Variants in ZDHHC21 observed in about 807,000 individuals in gnomAD.
ZDHHC21 encodes the protein palmitoyltransferase ZDHHC21.
A neutral mutation model predicts 34.6 loss-of-function variants in ZDHHC21; 15 were observed. That is an observed-to-expected ratio of 0.43 (90% CI 0.29 to 0.67). The LOEUF (loss-of-function observed/expected upper bound fraction) is 0.67. ZDHHC21 is among the 30% of genes least tolerant of loss of function. ZDHHC21 has a pLI of 0.14. For synonymous variants in ZDHHC21, 142 were observed against 101.8 expected, an observed-to-expected ratio of 1.40 and a Z score of -2.38; for missense variants, 344 against 327.7, an observed-to-expected ratio of 1.05 and a Z score of -0.38.
Position 14,658,782 on chromosome 9 carries a change from A to G in ZDHHC21, c.471T>C (p.Tyr157=), listed in dbSNP as rs1212998137. The stretch of plus-strand genomic sequence containing the variant: ...GCTTTTTTAGTGGAAGAAAATAGTA[A>G]TAGTGGCAGAAAGAAAACATCAGTG... The part of the protein sequence containing the change: ...CYALMFSFCH[Y]YYFLPLKKRN... Residue 157 remains tyrosine, a synonymous_variant, in exon 7 of 10, where the codon TAT becomes TAC. Coordinates refer to ENST00000380916, the MANE Select transcript of ZDHHC21 (RefSeq NM_178566.6). 1.2e-6 allele frequency: 2 copies of G among 1,613,970 alleles called. No homozygotes were observed. Among genetic ancestry groups the G allele is most frequent in the Non-Finnish European group, 1.7e-6 (2 of 1,179,968 alleles).
chr9:14,633,701 C>A (rs748554596), intron 8 of ZDHHC21, among the ~76,000 whole-genome samples: 30 of 152,148 alleles, frequency 2.0e-4, no homozygotes, highest in Non-Finnish European at 3.2e-4. Flanking sequence ...AAACACCCTG[C>A]TGATCCCAGC....
At chr9:14,693,184 A>ATGGGGG (rs1424287447) in intron 1 of ZDHHC21, 45 bp downstream of exon 1, 1 of 227,670 alleles carries the variant, frequency 4.4e-6, no homozygotes, top group Non-Finnish European at 8.2e-6. Flanking sequence ...GCGGATGGGG[A>ATGGGGG]TGGGGGTGGG....
chr9:14,684,949 G>C (rs928438082), intron 2 of ZDHHC21, among the ~76,000 whole-genome samples: 3 of 152,116 alleles, frequency 2.0e-5, no homozygotes, highest in Non-Finnish European at 4.4e-5. Context: ...ACAAGCAATG[G>C]GGAAAGGATT....
intron 2 of ZDHHC21, among the ~76,000 whole-genome samples, chr9:14,684,370 C>T (rs1486624375): frequency 6.6e-6 from 1 of 151,004 alleles, no homozygotes; most frequent in African/African-American, 2.4e-5. Flanking sequence ...GATACAAAAT[C>T]AATGTGCAAA....
chr9:14,600,649 T>C, the ZDHHC21 span, among the ~76,000 whole-genome samples: 1 of 152,092 alleles, frequency 6.6e-6, no homozygotes. Flanking sequence ...AAAATACTAC[T>C]TTAAATTTCA....
At chr9:14,610,065 G>C (rs543234300), downstream of ZDHHC21, among the ~76,000 whole-genome samples, 121 of 152,056 alleles carry the variant, frequency 8.0e-4, no homozygotes, top group African/African-American at 2.7e-3. Context: ...CATGTAATGA[G>C]TTTATGTTTA....
At chr9:14,637,285 C>A (rs1313518558) in intron 8 of ZDHHC21, among the ~76,000 whole-genome samples, 2 of 151,740 alleles carry the variant, frequency 1.3e-5, no homozygotes, top group African/African-American at 4.8e-5. Context: ...TACCAACAAA[C>A]CAAAAAACCT....
rs1334379048 is a variant in ZDHHC21, at chr9:14,619,020, A to T, written c.744T>A (p.Pro248=). The T allele has an allele frequency of 6.2e-7, 1 of 1,612,322 alleles. No individual in the cohort carries two copies. Among genetic ancestry groups the T allele is most frequent in the African/African-American group, 1.3e-5 (1 of 74,774 alleles). ...CTCGCAGTGGTTGCCTCTGCCTGAA[A>T]GGAATGAACCACAGGATCTTCCAAC... ...GTRWKILWFI[P]FRQRQPLRVP... is the part of the protein sequence containing the mutation. The change falls in exon 10 of 10, where the codon CCT becomes CCA. Residue 248 remains proline (P), a synonymous_variant. Transcript: ENST00000380916.
intron 8 of ZDHHC21, among the ~76,000 whole-genome samples, chr9:14,631,302 A>C (rs7031926): frequency 0.65 from 99,165 of 152,074 alleles, 33,018 homozygotes; most frequent in African/African-American, 0.79. Context: ...GAACAAACTT[A>C]TGCTAGCTTC....
intron 3 of ZDHHC21, among the ~76,000 whole-genome samples, chr9:14,678,426 A>G (rs77116001): frequency 0.054 from 8,168 of 152,180 alleles, 282 homozygotes; most frequent in Admixed American, 0.11. Flanking sequence ...AGCAATTCAC[A>G]AAGGGAAAAA....
At chr9:14,619,168 A>C in intron 9 of ZDHHC21, 70 bp from the exon 10 acceptor site, 5 of 1,496,798 alleles carry the variant, frequency 3.3e-6, no homozygotes, top group African/African-American at 1.4e-5. Flanking sequence ...AAAACAATAC[A>C]GATTGGCTGG....
At chr9:14,670,244 A>C (rs1587354527) in intron 5 of ZDHHC21, among the ~76,000 whole-genome samples, 1 of 152,132 alleles carries the variant, frequency 6.6e-6, no homozygotes, top group South Asian at 2.1e-4. Flanking sequence ...TTTTATATCT[A>C]AAATGTATTC....
the ZDHHC21 span, among the ~76,000 whole-genome samples, chr9:14,604,325 TTC>T: frequency 6.6e-6 from 1 of 152,170 alleles, no homozygotes; most frequent in African/African-American, 2.4e-5. Flanking sequence ...CAAATAATTG[TTC>T]TGTGGGATTT....
intron 8 of ZDHHC21, among the ~76,000 whole-genome samples, chr9:14,638,262 T>A: frequency 6.6e-6 from 1 of 151,918 alleles, no homozygotes; most frequent in Non-Finnish European, 1.5e-5. Flanking sequence ...GACAAAGGCA[T>A]CAAGAACATA....
At position 14,619,632 on chromosome 9, in the gene ZDHHC21, T is replaced by A; in HGVS notation, c.665+7A>T. On this transcript the variant is annotated splice_region_variant and intron_variant, in intron 9 of 9. Coordinates refer to ENST00000380916, the MANE Select transcript of ZDHHC21 (RefSeq NM_178566.6). ...AATAATACTATACACTTCAGTTTTATACTTACATATCTTCACAACAGTTTG... is the reference window on the plus strand; with the variant it reads ...AATAATACTATACACTTCAGTTTTAAACTTACATATCTTCACAACAGTTTG... The A allele has an allele frequency of 7.1e-7, 1 of 1,415,776 alleles. No individual in the cohort carries two copies. The highest frequency in any genetic ancestry group is 9.7e-7 in the Non-Finnish European group (1 of 1,030,170). The allele number at this position is 1,415,776 out of a possible 1,614,324, so 87.7% of individuals were successfully genotyped here.
At chr9:14,651,378 G>C (rs1185135576) in intron 7 of ZDHHC21, among the ~76,000 whole-genome samples, 4 of 151,808 alleles carry the variant, frequency 2.6e-5, no homozygotes, top group Non-Finnish European at 5.9e-5. Flanking sequence ...AGTATTGAAT[G>C]GGAGTTTGAA....
chr9:14,622,806 G>A, intron 8 of ZDHHC21: 3 of 898,436 alleles, frequency 3.3e-6, no homozygotes, highest in Non-Finnish European at 4.0e-6. Context: ...TTTCAAAATG[G>A]AGTTTCTAGA....
At chr9:14,597,764 C>T in the ZDHHC21 span, among the ~76,000 whole-genome samples, 5 of 152,182 alleles carry the variant, frequency 3.3e-5, no homozygotes, top group African/African-American at 7.2e-5. Flanking sequence ...CACACAGCAA[C>T]ACGAGCCCTG....
At chr9:14,588,848 A>T in the ZDHHC21 span, 1 of 152,290 alleles carries the variant, frequency 6.6e-6, no homozygotes, top group Admixed American at 6.5e-5. Flanking sequence ...CCTGAGAAAA[A>T]GCATAAAGGA....
Sources: gnomAD v4.1 joint callset for allele counts (sites outside exome capture counted in the v4.1 genomes callset) on GRCh38, gnomAD v4.1.1 for gene constraint, MANE v1.5 for transcripts, NCBI Gene and HGNC (gene_info 2026-07-23, HGNC 2026-07-21) for gene names.